Variants in PCDHA5 observed in about 807,000 individuals in gnomAD.
The protein encoded by PCDHA5 is protocadherin alpha-5.
In PCDHA5, 43 loss-of-function variants were observed where a neutral mutation model predicts 61.6. That is an observed-to-expected ratio of 0.70 (90% CI 0.55 to 0.90). PCDHA5 has a LOEUF of 0.90. PCDHA5 is among the 40% of genes least tolerant of loss of function. The probability of loss-of-function intolerance (pLI) is 0.00; values close to 1 mark genes in which losing one functional copy is unlikely to be tolerated. For missense variants in PCDHA5, 1,298 were observed against 1,222.7 expected, an observed-to-expected ratio of 1.06 and a Z score of -0.92; for synonymous variants, 627 against 543.9, an observed-to-expected ratio of 1.15 and a Z score of -2.13.
intron 1 of PCDHA5, among the ~76,000 whole-genome samples, chr5:140,932,112 T>C (rs1211067626): frequency 6.6e-6 from 1 of 151,944 alleles, no homozygotes; most frequent in African/African-American, 2.4e-5. Flanking sequence ...GTATTTCCAA[T>C]TGATAATATT....
intron 1 of PCDHA5, chr5:140,856,826 G>A (rs370105926): frequency 3.8e-6 from 6 of 1,592,454 alleles, no homozygotes; most frequent in Non-Finnish European, 4.3e-6. Flanking sequence ...CCAAACATTA[G>A]TAATACGGCT....
At chr5:141,003,771 T>G (rs1301111940) in intron 3 of PCDHA5, among the ~76,000 whole-genome samples, 4 of 152,250 alleles carry the variant, frequency 2.6e-5, no homozygotes, top group African/African-American at 9.6e-5. Context: ...CGTATTCTGT[T>G]AAATAAACTT....
chr5:140,928,949 T>C, intron 1 of PCDHA5: 1 of 1,614,066 alleles, frequency 6.2e-7, no homozygotes, highest in Non-Finnish European at 8.5e-7. Flanking sequence ...TATTTAGTAA[T>C]TGCCTTGGCT....
At chr5:140,827,860 G>T in intron 1 of PCDHA5, 1 of 529,744 alleles carries the variant, frequency 1.9e-6, no homozygotes. Flanking sequence ...AAAAATATAT[G>T]GTATAGCACT....
intron 1 of PCDHA5, chr5:140,860,707 T>G (rs914346962): frequency 6.6e-6 from 1 of 152,220 alleles, no homozygotes; most frequent in Non-Finnish European, 1.5e-5. Context: ...ATTGTTGTTC[T>G]CCATGAAAAG....
chr5:140,916,210 A>G, intron 1 of PCDHA5, among the ~76,000 whole-genome samples: 1 of 152,210 alleles, frequency 6.6e-6, no homozygotes, highest in East Asian at 1.9e-4. Context: ...GCCCTGGGGA[A>G]GATCCAAATA....
At chr5:140,928,208 A>G in intron 1 of PCDHA5, 1 of 1,614,228 alleles carries the variant, frequency 6.2e-7, no homozygotes, top group Non-Finnish European at 8.5e-7. Context: ...GCTGATGTGA[A>G]TGACAATACA....
At chr5:140,828,029 C>T (rs1237418954) in intron 1 of PCDHA5, 16 of 1,519,884 alleles carry the variant, frequency 1.1e-5, no homozygotes, top group Non-Finnish European at 1.4e-5. Context: ...AATTCCGGAA[C>T]ATACAGTATT....
rs1030293372 is a variant in PCDHA5 at position 140,856,468 on chromosome 5, A to C, written c.2352+32341A>C. ...TCTCCGTAACAGAACAAAAGCTCTC[A>C]ATACCTGAATCCAGACTGCTTGACT... On this transcript the variant is annotated intron_variant, in intron 1 of 3. Transcript: ENST00000529859. 2.2e-5 allele frequency: 35 copies of C among 1,597,788 alleles called. 3 individuals are homozygous for C. The East Asian group carries it at 7.4e-4, about 34-fold the overall frequency.
intron 1 of PCDHA5, among the ~76,000 whole-genome samples, chr5:140,879,606 G>A (rs1554170878): frequency 6.6e-6 from 1 of 152,196 alleles, no homozygotes; most frequent in Non-Finnish European, 1.5e-5. Context: ...AAAACAATGT[G>A]TCCAGGTACT....
intron 1 of PCDHA5, chr5:140,884,364 A>G: frequency 1.2e-6 from 2 of 1,613,884 alleles, no homozygotes; most frequent in Non-Finnish European, 1.7e-6. Flanking sequence ...GTCAATGTTT[A>G]CTTGATCATT....
intron 1 of PCDHA5, chr5:140,875,686 G>A: frequency 6.2e-7 from 1 of 1,613,582 alleles, no homozygotes; most frequent in Non-Finnish European, 8.5e-7. Flanking sequence ...CAAAAGACAC[G>A]GGGACCTTCT....
intron 2 of PCDHA5, among the ~76,000 whole-genome samples, chr5:140,980,402 T>G (rs1019891422): frequency 2.0e-5 from 3 of 152,020 alleles, no homozygotes; most frequent in African/African-American, 7.2e-5. Context: ...GAGGCCGAGG[T>G]GGGCAGATCA....
intron 3 of PCDHA5, among the ~76,000 whole-genome samples, chr5:141,005,407 T>C (rs2098211600): frequency 1.3e-5 from 2 of 151,168 alleles, no homozygotes; most frequent in Admixed American, 1.3e-4. Context: ...ACTTGAAGAG[T>C]GAGGAGTCAT....
At chr5:140,989,598 T>C (rs369591964) in intron 3 of PCDHA5, among the ~76,000 whole-genome samples, 431 of 152,260 alleles carry the variant, frequency 2.8e-3, no homozygotes, top group Middle Eastern at 6.8e-3. Flanking sequence ...CTGACACAAG[T>C]AAACTAAAAA....
At chr5:140,881,382 C>T (rs1312033271) in intron 1 of PCDHA5, 2 of 983,994 alleles carry the variant, frequency 2.0e-6, no homozygotes, top group Non-Finnish European at 2.4e-6. Flanking sequence ...CAGCCGGCGG[C>T]GGTAAGTTAA....
intron 1 of PCDHA5, chr5:140,849,742 A>G: frequency 6.3e-7 from 1 of 1,598,398 alleles, no homozygotes; most frequent in South Asian, 1.1e-5. Context: ...CTGGACCGCG[A>G]GAGTGTGTCC....
At chr5:140,869,378 G>T in intron 1 of PCDHA5, 3 of 1,614,168 alleles carry the variant, frequency 1.9e-6, no homozygotes, top group East Asian at 2.2e-5. Flanking sequence ...CGGATCGACC[G>T]CGAGGAGCTG....
intron 1 of PCDHA5, chr5:140,928,071 C>CTACTACAGCCTGCTG: frequency 6.2e-7 from 1 of 1,614,220 alleles, no homozygotes; most frequent in South Asian, 1.1e-5. Context: ...CCTTTGACAA[C>CTACTACAGCCTGCTG]TACTACAGCC....
Sources: allele counts gnomAD v4.1 joint callset (sites outside exome capture counted in the v4.1 genomes callset), GRCh38; gene constraint gnomAD v4.1.1; transcripts MANE v1.5; gene names NCBI Gene and HGNC (gene_info 2026-07-23, HGNC 2026-07-21).